SUCLG2: variants seen among roughly 807,000 people sequenced by gnomAD.
The protein encoded by SUCLG2 is succinate-CoA ligase GDP-forming subunit beta.
SUCLG2 carries 42 observed loss-of-function variants against 47.9 expected under a neutral mutation model. The ratio of observed to expected loss-of-function variants is 0.88; its 90% CI spans 0.69 to 1.14. The LOEUF (loss-of-function observed/expected upper bound fraction) is 1.14, where lower values mean the gene tolerates loss of function less well. SUCLG2 is among the 50% of genes most tolerant of loss of function. The pLI is 0.00. For synonymous variants in SUCLG2, 195 were observed against 197.3 expected (o/e 0.99, Z 0.10); for missense variants, 571 against 525.9 (o/e 1.09, Z -0.84).
intron 9 of SUCLG2, among the ~76,000 whole-genome samples, chr3:67,441,907 C>T (rs1188167898): frequency 2.0e-5 from 3 of 152,334 alleles, no homozygotes; most frequent in African/African-American, 7.2e-5. Flanking sequence ...ACTTTGCCAT[C>T]TTTCTTTCCC....
chr3:67,402,352 A>C lies in SUCLG2; in HGVS notation c.1063-1501T>G, dbSNP rs186317246. Among the ~76,000 whole-genome samples, 39 of 152,378 alleles carry C rather than the reference A, an allele frequency of 2.6e-4. 1 individual carries two copies. The highest frequency in any genetic ancestry group is 6.8e-3 in the Middle Eastern group (2 of 294). Reference sequence around the variant, plus strand: ...TTTCAGTAGACTGCAGCTCATGTTGAATTCAAATATAATGGAAATACAAAC... The same window carrying C: ...TTTCAGTAGACTGCAGCTCATGTTGCATTCAAATATAATGGAAATACAAAC... On this transcript the variant is annotated intron_variant, in intron 9 of 10. Coordinates refer to ENST00000307227, the MANE Select transcript of SUCLG2 (RefSeq NM_003848.4).
chr3:67,450,483 C>T (rs1004659131), intron 9 of SUCLG2, among the ~76,000 whole-genome samples: 2 of 152,190 alleles, frequency 1.3e-5, no homozygotes, highest in East Asian at 3.8e-4. Flanking sequence ...AGAGGGAATA[C>T]ACTTTCTCAA....
chr3:67,427,385 A>C (rs978911364), intron 9 of SUCLG2, among the ~76,000 whole-genome samples: 2 of 152,188 alleles, frequency 1.3e-5, no homozygotes, highest in African/African-American at 4.8e-5. Context: ...AAATGCCTTA[A>C]TATCAAGGAA....
At chr3:67,467,039 T>C (rs1704490747) in intron 9 of SUCLG2, among the ~76,000 whole-genome samples, 1 of 152,220 alleles carries the variant, frequency 6.6e-6, no homozygotes, top group Non-Finnish European at 1.5e-5. Context: ...TTAATTTGTT[T>C]TGAATTAAGA....
At chr3:67,409,192 T>A (rs1009526482) in intron 9 of SUCLG2, among the ~76,000 whole-genome samples, 4 of 151,802 alleles carry the variant, frequency 2.6e-5, no homozygotes. Context: ...TGGGGAGGGG[T>A]CATGAAGGTA....
chr3:67,532,621 T>C (rs1371060302), intron 2 of SUCLG2, among the ~76,000 whole-genome samples: 1 of 152,182 alleles, frequency 6.6e-6, no homozygotes, highest in Non-Finnish European at 1.5e-5. Context: ...CCAGTACTCA[T>C]GGTTAGGTTT....
At chr3:67,532,078 T>C (rs1157048020) in intron 2 of SUCLG2, among the ~76,000 whole-genome samples, 1 of 152,212 alleles carries the variant, frequency 6.6e-6, no homozygotes, top group African/African-American at 2.4e-5. Flanking sequence ...AACCATCCTT[T>C]AGAAAAACAA....
At chr3:67,437,644 A>AT (rs965431694) in intron 9 of SUCLG2, among the ~76,000 whole-genome samples, 39 of 151,152 alleles carry the variant, frequency 2.6e-4, no homozygotes, top group African/African-American at 7.3e-4. Flanking sequence ...AATTTCTTCT[A>AT]TTTTTTTTTA....
chr3:67,640,592 T>C (rs1701085167), intron 1 of SUCLG2, among the ~76,000 whole-genome samples: 2 of 152,184 alleles, frequency 1.3e-5, no homozygotes, highest in Admixed American at 1.3e-4. Flanking sequence ...TTTTCCCCAT[T>C]CTCCCCAAAA....
chr3:67,590,494 T>C (rs1708131257), intron 2 of SUCLG2, among the ~76,000 whole-genome samples: 1 of 152,156 alleles, frequency 6.6e-6, no homozygotes, highest in Non-Finnish European at 1.5e-5. Context: ...CTTGCAGACG[T>C]GAGTGAGTTC....
intron 10 of SUCLG2, chr3:67,360,844 C>G: frequency 2.5e-6 from 3 of 1,177,326 alleles, no homozygotes; most frequent in Non-Finnish European, 3.4e-6. Context: ...GTATGGTATT[C>G]CTAAGATCCT....
chr3:67,433,074 G>A (rs1016363298), intron 9 of SUCLG2, among the ~76,000 whole-genome samples: 10 of 152,148 alleles, frequency 6.6e-5, no homozygotes, highest in Admixed American at 1.3e-4. Context: ...GGGAAAGGGT[G>A]TCTATTATTT....
Position 67,416,111 on chromosome 3 carries a change from C to T in SUCLG2, c.1063-15260G>A, listed in dbSNP as rs145639936. Among the ~76,000 whole-genome samples the T allele has an allele frequency of 7.2e-3, 1,102 of 152,320 alleles. 13 individuals are homozygous for T. The highest frequency in any genetic ancestry group is 0.025 in the African/African-American group (1,056 of 41,578). ...ATCAAGTCTTGAGATGACAGTGAAC[C>T]TGGCATACTTCTTGACTGCAGCCTC... On this transcript the variant is annotated intron_variant, in intron 9 of 10. Transcript: ENST00000307227.
intron 1 of SUCLG2, among the ~76,000 whole-genome samples, chr3:67,617,085 A>C (rs1700643621): frequency 6.6e-6 from 1 of 152,216 alleles, no homozygotes; most frequent in South Asian, 2.1e-4. Context: ...TACCTAGGAA[A>C]TATGAGGCCT....
intron 9 of SUCLG2, among the ~76,000 whole-genome samples, chr3:67,472,802 G>A (rs967684364): frequency 6.6e-5 from 10 of 152,152 alleles, no homozygotes; most frequent in African/African-American, 2.4e-4. Context: ...ATGTCTCCAA[G>A]GCGGGCTGGA....
chr3:67,565,193 C>A (rs1303333729), intron 2 of SUCLG2, among the ~76,000 whole-genome samples: 1 of 152,166 alleles, frequency 6.6e-6, no homozygotes. Flanking sequence ...TCCTTGATTT[C>A]ACTAGGATTA....
At chr3:67,528,381 T>C (rs1706311997) in intron 3 of SUCLG2, among the ~76,000 whole-genome samples, 159 bp from the exon 4 acceptor site, 1 of 152,216 alleles carries the variant, frequency 6.6e-6, no homozygotes, top group Non-Finnish European at 1.5e-5. Flanking sequence ...TTTAGCACTG[T>C]ACTAGAGGCT....
intron 2 of SUCLG2, among the ~76,000 whole-genome samples, chr3:67,597,351 A>G (rs1242306518): frequency 6.6e-6 from 1 of 152,216 alleles, no homozygotes; most frequent in Non-Finnish European, 1.5e-5. Flanking sequence ...GGGTATGTAT[A>G]CACCAGAAGT....
intron 10 of SUCLG2, among the ~76,000 whole-genome samples, chr3:67,366,906 T>C (rs1438103461): frequency 1.3e-5 from 2 of 152,162 alleles, no homozygotes; most frequent in African/African-American, 4.8e-5. Flanking sequence ...AACACCTCAA[T>C]ATAGATCAAC....
Sources: gnomAD v4.1 joint callset for allele counts (sites outside exome capture counted in the v4.1 genomes callset) on GRCh38, gnomAD v4.1.1 for gene constraint, MANE v1.5 for transcripts, NCBI Gene and HGNC (gene_info 2026-07-23, HGNC 2026-07-21) for gene names.